Variants in HSD17B4 observed in about 807,000 individuals in gnomAD.
HSD17B4 encodes hydroxysteroid 17-beta dehydrogenase 4, also known as peroxisomal multifunctional enzyme type 2.
Under a neutral mutation model 101.0 loss-of-function variants are expected in HSD17B4, and 70 were observed. That is an observed-to-expected ratio of 0.69 (90% CI 0.57 to 0.85). The LOEUF (loss-of-function observed/expected upper bound fraction) is 0.85. HSD17B4 is among the 40% of genes least tolerant of loss of function. The pLI, the probability that HSD17B4 is intolerant of heterozygous loss-of-function variation, is 0.00. For synonymous variants in HSD17B4, 347 were observed against 297.1 expected (o/e 1.17, Z -1.73); for missense variants, 984 against 892.4 (o/e 1.10, Z -1.31).
At chr5:119,482,331 G>A (rs575877016) in intron 8 of HSD17B4, among the ~76,000 whole-genome samples, 17 of 151,832 alleles carry the variant, frequency 1.1e-4, no homozygotes, top group African/African-American at 3.9e-4. Context: ...TTATCTCTCT[G>A]CTTAAAGTAA....
At chr5:119,496,506 A>G (rs1438263140) in intron 11 of HSD17B4, 37 bp from the exon 12 acceptor site, 1 of 1,088,510 alleles carries the variant, frequency 9.2e-7, no homozygotes, top group Non-Finnish European at 1.4e-6. Context: ...ATCTTTAACA[A>G]AGCTTTATTT....
At chr5:119,505,491 A>AT (rs1751561662) in intron 14 of HSD17B4, among the ~76,000 whole-genome samples, 2 of 152,066 alleles carry the variant, frequency 1.3e-5, no homozygotes, top group East Asian at 1.9e-4. Context: ...TAGATATTTT[A>AT]TTTTTTTGTG....
chr5:119,491,446 A>G (rs1208638650), intron 9 of HSD17B4, among the ~76,000 whole-genome samples: 2 of 148,016 alleles, frequency 1.4e-5, no homozygotes, highest in Non-Finnish European at 3.0e-5. Context: ...TTTTCTTTAC[A>G]TCAGACTCAT....
chr5:119,478,890 A>G lies in HSD17B4; in HGVS notation c.491A>G (p.Tyr164Cys), dbSNP rs1258550930. ...TATGGCAACTTTGGCCAGGCCAATT[A>G]TAGTGCTGCAAAGTTGGGTCTTCTG... Reference protein sequence around the residue: ...GIYGNFGQANYSAAKLGLLGL... With the variant: ...GIYGNFGQANCSAAKLGLLGL... Residue 164 changes from tyrosine to cysteine, a missense_variant, in exon 8 of 24, where the codon TAT becomes TGT. Physicochemically the swap from Tyr to Cys is radical, Grantham distance 194. Transcript: ENST00000510025. 6.2e-7 allele frequency: 1 copy of G among 1,613,716 alleles called. No homozygotes were observed. Among genetic ancestry groups the G allele is most frequent in the Non-Finnish European group, 8.5e-7 (1 of 1,179,706 alleles).
chr5:119,534,539 C>T (rs1054008825), intron 22 of HSD17B4, among the ~76,000 whole-genome samples: 3 of 152,010 alleles, frequency 2.0e-5, no homozygotes, highest in African/African-American at 7.2e-5. Flanking sequence ...TTGAGGATAC[C>T]ATGTGATCAT....
At chr5:119,499,705 T>C (rs1373363262) in intron 13 of HSD17B4, 152 bp downstream of exon 13, 3 of 439,914 alleles carry the variant, frequency 6.8e-6, no homozygotes, top group Non-Finnish European at 1.2e-5. Context: ...TTGATTTTTC[T>C]TTTTAAGAAT....
In HSD17B4 at chr5:119,539,922, C is replaced by CAAAAA. The variant is rs35193622; in HGVS notation, c.2122-1966_2122-1962dup. ...TGAGACAGTGAGACCCTGTCTCTAC[C>CAAAAA]AAAAAAAAAAAAAAAAAAAAATTAG... On this transcript the variant is annotated intron_variant, in intron 23 of 23. Transcript: ENST00000510025. Among the ~76,000 whole-genome samples, 172 of 105,796 alleles carry CAAAAA rather than the reference C, an allele frequency of 1.6e-3. 3 individuals are homozygous for CAAAAA. In the South Asian group the frequency reaches 0.036, roughly 22 times the overall value. The allele number at this position is 105,796 out of a possible 152,430, so 69.4% of individuals were successfully genotyped here. A position where few individuals can be genotyped will look rare whatever the true frequency, so the allele number is the denominator to read the frequency against.
At chr5:119,520,343 A>G (rs1212159705) in intron 17 of HSD17B4, among the ~76,000 whole-genome samples, 1 of 152,032 alleles carries the variant, frequency 6.6e-6, no homozygotes, top group Non-Finnish European at 1.5e-5. Context: ...AATCTTCCCT[A>G]CATGGCCTCT....
chr5:119,498,778 G>C (rs1387856294), intron 12 of HSD17B4, among the ~76,000 whole-genome samples: 1 of 152,290 alleles, frequency 6.6e-6, no homozygotes, highest in Admixed American at 6.5e-5. Context: ...TACTCGGGAA[G>C]CTGAGGCAGG....
At chr5:119,456,035 T>G (rs1237009797) in intron 1 of HSD17B4, among the ~76,000 whole-genome samples, 1 of 152,298 alleles carries the variant, frequency 6.6e-6, no homozygotes, top group East Asian at 1.9e-4. Flanking sequence ...TTTATGCAGA[T>G]GCATCAGATG....
chr5:119,458,779 A>G lies in HSD17B4; in HGVS notation c.112+2411A>G, dbSNP rs561583172. 6.6e-5 allele frequency among the ~76,000 whole-genome samples: 10 copies of G among 152,230 alleles called. No homozygotes were observed. The East Asian group carries it at 1.9e-3, about 29-fold the overall frequency. On this transcript the variant is annotated intron_variant, in intron 2 of 23. Transcript: ENST00000510025. ...AAGAACTGCTAAGCCTTAGGCTGATACTGTAAAAAGGGACATTTGCTTTTG... is the reference window on the plus strand; with the variant it reads ...AAGAACTGCTAAGCCTTAGGCTGATGCTGTAAAAAGGGACATTTGCTTTTG...
At chr5:119,459,663 A>G (rs1157692297) in intron 2 of HSD17B4, among the ~76,000 whole-genome samples, 1 of 152,126 alleles carries the variant, frequency 6.6e-6, no homozygotes, top group African/African-American at 2.4e-5. Context: ...GGGACTCTGT[A>G]GAGTCCCGAG....
At chr5:119,517,068 C>G (rs1411815522) in intron 17 of HSD17B4, among the ~76,000 whole-genome samples, 4 of 152,208 alleles carry the variant, frequency 2.6e-5, no homozygotes, top group African/African-American at 9.6e-5. Context: ...TGGCCAAGGC[C>G]AGAGCCGGCT....
chr5:119,486,604 C>G (rs555695856), intron 8 of HSD17B4, among the ~76,000 whole-genome samples: 98 of 152,006 alleles, frequency 6.4e-4, no homozygotes, highest in Admixed American at 1.0e-3. Flanking sequence ...AATTTTAGGG[C>G]TCTAAGATTT....
chr5:119,456,179 T>C (rs780711053), intron 1 of HSD17B4, 136 bp from the exon 2 acceptor site: 2 of 717,556 alleles, frequency 2.8e-6, no homozygotes, highest in Non-Finnish European at 5.2e-6. Flanking sequence ...AGAATGTCAG[T>C]GATAGGATAG....
chr5:119,455,542 TTCTCTCTCTCTC>T (rs200829499), intron 1 of HSD17B4, among the ~76,000 whole-genome samples: 1 of 139,332 alleles, frequency 7.2e-6, no homozygotes, highest in Non-Finnish European at 1.5e-5. Flanking sequence ...AAGCAAAACT[TTCTCTCTCTCTC>T]TCTCTCTCTC....
intron 1 of HSD17B4, among the ~76,000 whole-genome samples, chr5:119,455,236 C>T (rs1300034316): frequency 2.0e-5 from 3 of 152,274 alleles, no homozygotes; most frequent in East Asian, 3.9e-4. Flanking sequence ...TCTCTCTTGG[C>T]TGGGGATGGT....
At chr5:119,481,338 C>G (rs1355977225) in intron 8 of HSD17B4, among the ~76,000 whole-genome samples, 1 of 152,178 alleles carries the variant, frequency 6.6e-6, no homozygotes, top group African/African-American at 2.4e-5. Flanking sequence ...TGTTTGGGGT[C>G]CCTGACTTCC....
chr5:119,471,940 A>G (rs115805542), intron 2 of HSD17B4, among the ~76,000 whole-genome samples: 5 of 152,310 alleles, frequency 3.3e-5, no homozygotes, highest in Non-Finnish European at 7.4e-5. Context: ...GGCAAACACC[A>G]TTCTTATACA....
Sources: gnomAD v4.1 joint callset for allele counts (sites outside exome capture counted in the v4.1 genomes callset) on GRCh38, gnomAD v4.1.1 for gene constraint, MANE v1.5 for transcripts, NCBI Gene and HGNC (gene_info 2026-07-23, HGNC 2026-07-21) for gene names.